The following NID2 variants were observed in gnomAD, a reference collection of about 807,000 sequenced individuals.
NID2 encodes the protein nidogen 2, also known as nidogen-2.
A neutral mutation model predicts 145.4 loss-of-function variants in NID2; 83 were observed. The ratio of observed to expected loss-of-function variants is 0.57; its 90% CI spans 0.48 to 0.69. The LOEUF is 0.69. NID2 is among the 30% of genes least tolerant of loss of function. The probability of loss-of-function intolerance (pLI) is 0.00; values close to 1 mark genes in which losing one functional copy is unlikely to be tolerated. For missense variants in NID2, 1,807 were observed against 1,765.7 expected, an observed-to-expected ratio of 1.02 and a Z score of -0.42; for synonymous variants, 739 against 701.3, an observed-to-expected ratio of 1.05 and a Z score of -0.85.
In NID2 at chr14:52,040,641, T is replaced by G. The variant is rs113759729; in HGVS notation, c.2026+10A>C. On this transcript the variant is annotated intron_variant, in intron 8 of 21. Coordinates refer to ENST00000216286, the MANE Select transcript of NID2 (RefSeq NM_007361.4). ...CCCATTTTACAGATGTGAAGACTGG[T>G]TATACATACTGGAGTCGGAGTAGTG... 2.3e-4 allele frequency: 363 copies of G among 1,611,392 alleles called. 3 individuals carry two copies. The African/African-American group carries it at 3.6e-3, about 16-fold the overall frequency.
In NID2 at chr14:52,038,751, G is replaced by T; in HGVS notation, c.2253C>A (p.Val751=). 6.4e-7 allele frequency: 1 copy of T among 1,566,586 alleles called. No individual in the cohort carries two copies. The highest frequency in any genetic ancestry group is 1.2e-5 in the South Asian group (1 of 83,070). Residue 751 remains valine, a synonymous_variant, in exon 9 of 22, where the codon GTC becomes GTA. Coordinates refer to ENST00000216286, the MANE Select transcript of NID2 (RefSeq NM_007361.4). ...CAACAAAAAAGGAAACCTTACCTTT[G>T]ACCGGGCCAATTTGATTGGTCACAG... ...RFAVTNQIGP[V]KEDSDPTPGN...
intron 9 of NID2, among the ~76,000 whole-genome samples, chr14:52,032,956 C>G (rs370276294): frequency 5.9e-5 from 9 of 152,240 alleles, no homozygotes; most frequent in Non-Finnish European, 1.3e-4. Flanking sequence ...TTGCAATCCC[C>G]AGTGCAAAAT....
intron 5 of NID2, among the ~76,000 whole-genome samples, chr14:52,048,688 T>C (rs1892588116): frequency 6.6e-6 from 1 of 152,044 alleles, no homozygotes; most frequent in South Asian, 2.1e-4. Context: ...TGAGGGGGCA[T>C]CAGAATCACT....
At chr14:52,058,730 T>C (rs1892931188) in intron 3 of NID2, among the ~76,000 whole-genome samples, 1 of 152,178 alleles carries the variant, frequency 6.6e-6, no homozygotes, top group Non-Finnish European at 1.5e-5. Context: ...TTGATCTATT[T>C]GTCTATCAAC....
At position 52,055,821 on chromosome 14, in the gene NID2, A is replaced by T. The variant is rs971394; in HGVS notation, c.768-1500T>A. On this transcript the variant is annotated intron_variant, in intron 3 of 21. Coordinates refer to ENST00000216286, the MANE Select transcript of NID2 (RefSeq NM_007361.4). ...CTAATAAGATAATAAAAACTTCACT[A>T]AATTGTATAAGAACAAAAGATTTTC... Among the ~76,000 whole-genome samples the T allele has an allele frequency of 3.9e-3, 590 of 152,240 alleles. 1 individual carries two copies. The highest frequency in any genetic ancestry group is 0.011 in the South Asian group (51 of 4,830).
chr14:52,021,007 CT>C (rs1891386309), intron 12 of NID2, among the ~76,000 whole-genome samples: 1 of 149,720 alleles, frequency 6.7e-6, no homozygotes, highest in Non-Finnish European at 1.5e-5. Flanking sequence ...TCACCCACCC[CT>C]CCCATCCCCA....
In NID2 at chr14:52,020,946, A is replaced by G. The variant is rs138851132; in HGVS notation, c.2675-768T>C. Among the ~76,000 whole-genome samples, 7 of 152,296 alleles carry G rather than the reference A, an allele frequency of 4.6e-5. No homozygotes were observed. The East Asian group carries it at 1.2e-3, about 25-fold the overall frequency. On this transcript the variant is annotated intron_variant, in intron 12 of 21. Transcript: ENST00000216286. ...AATCCTGACACTTCAAACAAAAGCC[A>G]ACTTACATTCCTTTTATTTAATGAA...
intron 5 of NID2, among the ~76,000 whole-genome samples, chr14:52,049,316 C>G (rs980169368): frequency 1.3e-5 from 2 of 151,986 alleles, no homozygotes; most frequent in Non-Finnish European, 1.5e-5. Flanking sequence ...ACTAGGAGTT[C>G]GTAACAAAAA....
intron 9 of NID2, among the ~76,000 whole-genome samples, chr14:52,038,324 C>T (rs1012715251): frequency 6.6e-6 from 1 of 152,174 alleles, no homozygotes; most frequent in Non-Finnish European, 1.5e-5. Flanking sequence ...AAATTCTTCT[C>T]ATCTGTTTTA....
chr14:52,068,018 C>T lies in NID2; in HGVS notation c.374G>A (p.Arg125Gln). The stretch of plus-strand genomic sequence containing the variant: ...CAGCACTGCGGGGGAGGTGTCCTCT[C>T]GGTACAGGACTCGGCCTCTGCCGTG... ...TSHGRGRVLY[R>Q]EDTSPAVLGL... Residue 125 changes from arginine (R) to glutamine (Q), a missense_variant, in exon 2 of 22, where the codon CGA (arginine) becomes CAA (glutamine). Transcript: ENST00000216286. 5 of 1,613,026 alleles carry T rather than the reference C, an allele frequency of 3.1e-6. No homozygotes were observed. Among genetic ancestry groups the T allele is most frequent in the Non-Finnish European group, 4.2e-6 (5 of 1,179,382 alleles).
intron 5 of NID2, among the ~76,000 whole-genome samples, chr14:52,044,323 G>T (rs1218783139): frequency 7.4e-6 from 1 of 135,836 alleles, no homozygotes; most frequent in Non-Finnish European, 1.5e-5. Context: ...AGGCTGGAGT[G>T]CAGTGGCACG....
chr14:52,031,256 T>C (rs772865312), intron 9 of NID2, among the ~76,000 whole-genome samples: 3 of 152,136 alleles, frequency 2.0e-5, no homozygotes, highest in Non-Finnish European at 2.9e-5. Flanking sequence ...AAAATGGAAA[T>C]AGGAACATGT....
At chr14:52,009,626 C>A (rs1469452156) in intron 18 of NID2, 4 of 152,124 alleles carry the variant, frequency 2.6e-5, no homozygotes, top group African/African-American at 9.7e-5. Flanking sequence ...GCTTTTTCCC[C>A]AGACTCCAGA....
Position 52,019,169 on chromosome 14 carries a change from A to G in NID2, c.2920T>C (p.Cys974Arg). 1 of 1,614,110 alleles carries G rather than the reference A, an allele frequency of 6.2e-7. No homozygotes were observed. The highest frequency in any genetic ancestry group is 8.5e-7 in the Non-Finnish European group (1 of 1,180,010). Residue 974 changes from cysteine to arginine, a missense_variant, in exon 14 of 22, where the codon TGT becomes CGT. Transcript: ENST00000216286. ...DEQGNFLPLQ[C>R]HGSTGFCWCV... ...CAGCAGAAACCAGTGCTGCCATGAC[A>G]CTGTAGGGGCAGGAAGTTGCCCTGC...
At chr14:52,015,582 A>T (rs765865874) in intron 14 of NID2, among the ~76,000 whole-genome samples, 4 of 152,298 alleles carry the variant, frequency 2.6e-5, no homozygotes, top group Non-Finnish European at 1.5e-5. Context: ...TCAGCCTGGG[A>T]AGGGGCATGA....
chr14:52,015,082 G>A lies in NID2; in HGVS notation c.3222C>T (p.Thr1074=). ...VDKDGREVQG[T]RSQPGTTPAC... ...CAGGGGTGGTGCCTGGCTGGGAGCG[G>A]GTGCCCTGCACCTCTCTGCCATCTT... The change falls in exon 15 of 22, where the codon ACC becomes ACT. Residue 1074 remains threonine (T), a synonymous_variant. Coordinates refer to ENST00000216286, the MANE Select transcript of NID2 (RefSeq NM_007361.4). The A allele has an allele frequency of 6.2e-7, 1 of 1,613,954 alleles. No homozygotes were observed. The highest frequency in any genetic ancestry group is 8.5e-7 in the Non-Finnish European group (1 of 1,179,926).
At chr14:52,006,724 G>C in intron 19 of NID2, 64 bp from the exon 20 acceptor site, 3 of 1,558,624 alleles carry the variant, frequency 1.9e-6, no homozygotes, top group Non-Finnish European at 2.6e-6. Flanking sequence ...TAGTGACATA[G>C]TGATAGTGAC....
intron 18 of NID2, chr14:52,009,073 C>T (rs1312548146): frequency 1.3e-5 from 2 of 152,148 alleles, no homozygotes; most frequent in Non-Finnish European, 2.9e-5. Context: ...TTGAATAAAT[C>T]AGTTGGGCTA....
rs1382517795 is a variant in NID2 at position 52,019,056 on chromosome 14, C to T, written c.3028+5G>A. On this transcript the variant is annotated splice_donor_5th_base_variant and intron_variant, in intron 14 of 21. Coordinates refer to ENST00000216286, the MANE Select transcript of NID2 (RefSeq NM_007361.4). ...CTGCTTCTTGAGCCCCAGGCCTAAG[C>T]TCACCTGGTGATGGTCCACAGTGAG... is the stretch of plus-strand genomic sequence containing the variant. 6.2e-7 allele frequency: 1 copy of T among 1,611,300 alleles called. No homozygotes were observed. Among genetic ancestry groups the T allele is most frequent in the Non-Finnish European group, 8.5e-7 (1 of 1,177,786 alleles).
Sources: allele counts gnomAD v4.1 joint callset (sites outside exome capture counted in the v4.1 genomes callset), GRCh38; gene constraint gnomAD v4.1.1; transcripts MANE v1.5; gene names NCBI Gene and HGNC (gene_info 2026-07-23, HGNC 2026-07-21).